Variants in ZNF79 observed in about 807,000 individuals in gnomAD.
The protein encoded by ZNF79 is zinc finger protein 79.
Under a neutral mutation model 14.9 loss-of-function variants are expected in ZNF79, and 13 were observed. That is an observed-to-expected ratio of 0.87 (90% confidence interval 0.57 to 1.38). The LOEUF is 1.38. ZNF79 is among the 40% of genes most tolerant of loss of function. The probability of loss-of-function intolerance (pLI) is 0.00; values close to 1 mark genes in which losing one functional copy is unlikely to be tolerated. For synonymous variants in ZNF79, 223 were observed against 235.1 expected (o/e 0.95, Z 0.47); for missense variants, 631 against 630.6 (o/e 1.00, Z -0.01).
intron 4 of ZNF79, among the ~76,000 whole-genome samples, chr9:127,438,697 G>T (rs982584800): frequency 6.6e-6 from 1 of 152,166 alleles, no homozygotes; most frequent in Non-Finnish European, 1.5e-5. Context: ...TCTGAAATGG[G>T]GGTCGTAAGG....
intron 4 of ZNF79, among the ~76,000 whole-genome samples, chr9:127,436,812 T>C (rs1382011734): frequency 6.6e-6 from 1 of 152,138 alleles, no homozygotes; most frequent in Non-Finnish European, 1.5e-5. Context: ...ATCCCAGCAC[T>C]TGGGGAGGCC....
intron 1 of ZNF79, chr9:127,425,005 G>C (rs1485580387): frequency 1.3e-5 from 18 of 1,400,230 alleles, no homozygotes; most frequent in Non-Finnish European, 1.5e-5. Flanking sequence ...TTTGAGTAAA[G>C]AATTCGGGGG....
intron 4 of ZNF79, among the ~76,000 whole-genome samples, chr9:127,440,343 A>G (rs1834028374): frequency 6.6e-6 from 1 of 152,180 alleles, no homozygotes; most frequent in Non-Finnish European, 1.5e-5. Context: ...GGGATGAGCC[A>G]GCTGTTTGGA....
intron 1 of ZNF79, among the ~76,000 whole-genome samples, chr9:127,427,541 T>TC (rs1255893209): frequency 8.6e-6 from 1 of 116,368 alleles, no homozygotes; most frequent in Non-Finnish European, 1.9e-5. Flanking sequence ...ATAACTAAAT[T>TC]CTTTTTTTTT....
intron 4 of ZNF79, among the ~76,000 whole-genome samples, chr9:127,443,072 G>A (rs1198322292): frequency 6.6e-6 from 1 of 152,176 alleles, no homozygotes; most frequent in Non-Finnish European, 1.5e-5. Flanking sequence ...AAAACCTCCT[G>A]AAGGACCCGC....
rs373138536 is a variant in ZNF79 at position 127,435,151 on chromosome 9, T to C, written c.167T>C (p.Val56Ala). 2 of 1,613,484 alleles carry C rather than the reference T, an allele frequency of 1.2e-6. No homozygotes were observed. Among genetic ancestry groups the C allele is most frequent in the Non-Finnish European group, 1.7e-6 (2 of 1,179,692 alleles). The stretch of plus-strand genomic sequence containing the variant: ...GCACAGGAAAGGTGGAGGTGCCTCG[T>C]GTCTACTCCACGGGACAGGTTCAAG... ...AFAQERWRCL[V>A]STPRDRFKEG... Residue 56 changes from valine to alanine, a missense_variant, in exon 3 of 5, where the codon GTG becomes GCG. Val to Ala is a moderately conservative substitution (Grantham distance 64). Transcript: ENST00000342483.
chr9:127,424,942 G>C, intron 1 of ZNF79, 139 bp downstream of exon 1: 1 of 1,528,122 alleles, frequency 6.5e-7, no homozygotes, highest in East Asian at 2.5e-5. Flanking sequence ...TTCTTTCTTT[G>C]CCCATGACAC....
At chr9:127,442,802 C>A (rs1157851356) in intron 4 of ZNF79, among the ~76,000 whole-genome samples, 1 of 152,038 alleles carries the variant, frequency 6.6e-6, no homozygotes, top group Non-Finnish European at 1.5e-5. Flanking sequence ...GTCGAGGCTG[C>A]AGTGAGCCAT....
chr9:127,436,148 G>A, intron 4 of ZNF79, 145 bp downstream of exon 4: 1 of 682,754 alleles, frequency 1.5e-6, no homozygotes, highest in Non-Finnish European at 2.5e-6. Flanking sequence ...GCTGAGAAAG[G>A]CTGGCTCACT....
At chr9:127,439,637 C>G (rs7869371) in intron 4 of ZNF79, among the ~76,000 whole-genome samples, 3,615 of 152,254 alleles carry the variant, frequency 0.024, 149 homozygotes, top group African/African-American at 0.076. Flanking sequence ...ACTTTAGGGA[C>G]TTCTGTGGTG....
chr9:127,433,247 C>T (rs552300150), intron 2 of ZNF79, among the ~76,000 whole-genome samples: 241 of 152,116 alleles, frequency 1.6e-3, no homozygotes, highest in African/African-American at 5.6e-3. Context: ...TGGAAATAAT[C>T]GGGTGAATGA....
rs754314450 is a variant in ZNF79 at position 127,424,808 on chromosome 9, G to C, written c.16+5G>C. The C allele has an allele frequency of 3.1e-6, 5 of 1,613,864 alleles. No individual in the cohort carries two copies. Among genetic ancestry groups the C allele is most frequent in the Non-Finnish European group, 4.2e-6 (5 of 1,180,006 alleles). On this transcript the variant is annotated splice_donor_5th_base_variant and intron_variant, in intron 1 of 4. Coordinates refer to ENST00000342483, the MANE Select transcript of ZNF79 (RefSeq NM_007135.3). ...CTCAAATGCTGGAGGAAGGAGGTGA[G>C]GAGTGGTAGAGGGAGCGATTGTCAA... is the stretch of plus-strand genomic sequence containing the variant.
At position 127,443,800 on chromosome 9, in the gene ZNF79, C is replaced by CT. The variant is rs141249182; in HGVS notation, c.329-228dup. Reference sequence around the variant, plus strand: ...ACTGTAGTCCCAGCTACTCGGGAGGCTGAGGCAGGAGAATGGCGTGAACCC... The same window carrying CT: ...ACTGTAGTCCCAGCTACTCGGGAGGCTTGAGGCAGGAGAATGGCGTGAACCC... On this transcript the variant is annotated intron_variant, in intron 4 of 4. Transcript: ENST00000342483. 8.6e-3 allele frequency among the ~76,000 whole-genome samples: 1,288 copies of CT among 150,030 alleles called. 19 individuals carry two copies. Among genetic ancestry groups the CT allele is most frequent in the African/African-American group, 0.031 (1,247 of 40,742 alleles).
At chr9:127,443,640 G>A (rs1055810533) in intron 4 of ZNF79, among the ~76,000 whole-genome samples, 4 of 152,070 alleles carry the variant, frequency 2.6e-5, no homozygotes, top group Non-Finnish European at 5.9e-5. Context: ...GGTGGCTCAC[G>A]CCTGTAATCC....
At chr9:127,436,918 G>C (rs1833957856) in intron 4 of ZNF79, among the ~76,000 whole-genome samples, 1 of 152,084 alleles carries the variant, frequency 6.6e-6, no homozygotes, top group African/African-American at 2.4e-5. Context: ...AATCAGCTGG[G>C]CGTGGTGGCG....
rs753884444 is a variant in ZNF79, at chr9:127,424,742, AC to A, written c.-45del. 16 of 1,612,978 alleles carry A rather than the reference AC, an allele frequency of 9.9e-6. No individual in the cohort carries two copies. The East Asian group carries it at 3.3e-4, about 34-fold the overall frequency. ...TGGGGGCTGCTGTAGATAGACCCTT[AC>A]GCCCAGAGAACTGCTGGGAGGCTGT... On this transcript the variant is annotated 5_prime_UTR_variant, in exon 1 of 5. Transcript: ENST00000342483.
rs1301861844 is a variant in ZNF79, at chr9:127,444,863, C to T, written c.1163C>T (p.Pro388Leu). The stretch of plus-strand genomic sequence containing the variant: ...CAGAGGACTCACACTGGGGAGAAAC[C>T]CTACAAGTGCAGCGAGTGTGGGAAG... ...NHQRTHTGEK[P>L]YKCSECGKAF... Residue 388 changes from proline to leucine, a missense_variant, in exon 5 of 5, where the codon CCC becomes CTC. Pro to Leu is a moderately conservative substitution (Grantham distance 98). Transcript: ENST00000342483. 4.3e-6 allele frequency: 7 copies of T among 1,614,068 alleles called. No individual in the cohort carries two copies. The highest frequency in any genetic ancestry group is 1.3e-5 in the African/African-American group (1 of 75,014).
In ZNF79 at chr9:127,435,293, G is replaced by C; in HGVS notation, c.232+77G>C. 2.7e-6 allele frequency: 4 copies of C among 1,470,350 alleles called. No homozygotes were observed. In the South Asian group the frequency reaches 5.6e-5, roughly 21 times the overall value. The allele number at this position is 1,470,350 out of a possible 1,614,324, so 91.1% of individuals were successfully genotyped here. A position where few individuals can be genotyped will look rare whatever the true frequency, so the allele number is the denominator to read the frequency against. ...TGGCACTTGCTTTCCAGCATGTAGG[G>C]GTTTCTGACTGGTGTGATGTACCAG... On this transcript the variant is annotated intron_variant, in intron 3 of 4. Transcript: ENST00000342483.
chr9:127,432,530 ATT>A (rs11410911), intron 2 of ZNF79, among the ~76,000 whole-genome samples: 1 of 144,308 alleles, frequency 6.9e-6, no homozygotes, highest in Non-Finnish European at 1.5e-5. Flanking sequence ...TTGGCTATGT[ATT>A]TTTTTTTTTT....
Sources: gnomAD v4.1 joint callset for allele counts (sites outside exome capture counted in the v4.1 genomes callset) on GRCh38, gnomAD v4.1.1 for gene constraint, MANE v1.5 for transcripts, NCBI Gene and HGNC (gene_info 2026-07-23, HGNC 2026-07-21) for gene names.